RYR2: variants seen among roughly 807,000 people sequenced by gnomAD.
The protein encoded by RYR2 is cardiac muscle ryanodine receptor-calcium release channel.
Under a neutral mutation model 601.1 loss-of-function variants are expected in RYR2, and 227 were observed. That is an observed-to-expected ratio of 0.38 (90% CI 0.34 to 0.42). RYR2 has a LOEUF of 0.42. Ranked by LOEUF, RYR2 falls within the 10% of genes least tolerant of loss-of-function variation. RYR2 has a pLI of 1.00. For missense variants in RYR2, 4,646 were observed against 6,156.5 expected (o/e 0.75, Z 8.21); for synonymous variants, 2,223 against 2,175.1 (o/e 1.02, Z -0.61).
intron 2 of RYR2, among the ~76,000 whole-genome samples, chr1:237,285,234 T>C (rs979740817): frequency 6.6e-6 from 1 of 152,198 alleles, no homozygotes; most frequent in Non-Finnish European, 1.5e-5. Flanking sequence ...GTTTTAATCA[T>C]AAAGTGATGC....
At chr1:237,685,939 A>C (rs1444500853) in intron 62 of RYR2, among the ~76,000 whole-genome samples, 1 of 152,146 alleles carries the variant, frequency 6.6e-6, no homozygotes, top group Non-Finnish European at 1.5e-5. Context: ...ACCCTACATA[A>C]TTTTCATCAA....
intron 97 of RYR2, 67 bp from the exon 98 acceptor site, chr1:237,801,789 C>A: frequency 1.0e-6 from 1 of 983,540 alleles, no homozygotes; most frequent in Non-Finnish European, 1.5e-6. Flanking sequence ...GGCCGTCAGG[C>A]TCTCGCAAGC....
intron 4 of RYR2, among the ~76,000 whole-genome samples, chr1:237,360,990 G>T (rs1271517473): frequency 6.6e-6 from 1 of 152,112 alleles, no homozygotes; most frequent in African/African-American, 2.4e-5. Context: ...ACAGGCATGT[G>T]CCACCATGCC....
intron 14 of RYR2, among the ~76,000 whole-genome samples, chr1:237,446,156 C>T (rs1376804507): frequency 2.0e-5 from 3 of 151,978 alleles, no homozygotes; most frequent in East Asian, 1.9e-4. Flanking sequence ...TATATAGCTG[C>T]GGAGTTTTGA....
chr1:237,637,708 G>A (rs564767543), intron 44 of RYR2, among the ~76,000 whole-genome samples: 247 of 152,260 alleles, frequency 1.6e-3, no homozygotes, highest in Non-Finnish European at 2.2e-3. Flanking sequence ...AATATCTTGA[G>A]TGGATTCAGT....
chr1:237,107,759 G>A (rs1453148718), intron 1 of RYR2, among the ~76,000 whole-genome samples: 2 of 152,076 alleles, frequency 1.3e-5, no homozygotes, highest in East Asian at 1.9e-4. Context: ...GATGCTTTGG[G>A]GCATTCCCTT....
chr1:237,777,813 ACACTAATG>A (rs1200929791), intron 87 of RYR2, among the ~76,000 whole-genome samples: 1 of 152,224 alleles, frequency 6.6e-6, no homozygotes, highest in Non-Finnish European at 1.5e-5. Context: ...CAATACCAGA[ACACTAATG>A]GTTCAGCACT....
chr1:237,250,490 G>A (rs1018551692), intron 1 of RYR2, among the ~76,000 whole-genome samples: 3 of 152,056 alleles, frequency 2.0e-5, no homozygotes, highest in Non-Finnish European at 4.4e-5. Context: ...AAGGGATATC[G>A]TCCAATGTTT....
At chr1:237,794,054 T>C (rs1658790216) in intron 95 of RYR2, 57 bp downstream of exon 95, 2 of 1,499,720 alleles carry the variant, frequency 1.3e-6, no homozygotes, top group African/African-American at 2.8e-5. Flanking sequence ...CATGAAAATA[T>C]TTGGTTGGAG....
At chr1:237,068,997 A>G (rs561257260) in intron 1 of RYR2, among the ~76,000 whole-genome samples, 52 of 152,306 alleles carry the variant, frequency 3.4e-4, no homozygotes, top group Admixed American at 5.9e-4. Context: ...TCCCTTTTTC[A>G]GAAAAGAAGT....
At chr1:237,135,844 G>A (rs1186231990) in intron 1 of RYR2, among the ~76,000 whole-genome samples, 1 of 152,182 alleles carries the variant, frequency 6.6e-6, no homozygotes, top group Non-Finnish European at 1.5e-5. Flanking sequence ...AGCCTTTTGA[G>A]TGGACGATGT....
chr1:237,050,463 T>C (rs1464635225), intron 1 of RYR2, among the ~76,000 whole-genome samples: 1 of 152,208 alleles, frequency 6.6e-6, no homozygotes, highest in Non-Finnish European at 1.5e-5. Flanking sequence ...CCCACACATC[T>C]CATCACCATG....
intron 3 of RYR2, among the ~76,000 whole-genome samples, chr1:237,339,805 C>G (rs932932212): frequency 9.9e-5 from 15 of 152,122 alleles, no homozygotes; most frequent in Non-Finnish European, 1.9e-4. Context: ...AAGGCAACAT[C>G]ATCTATAGGC....
chr1:237,212,304 C>T (rs917203949), intron 1 of RYR2, among the ~76,000 whole-genome samples: 2 of 152,134 alleles, frequency 1.3e-5, no homozygotes, highest in African/African-American at 4.8e-5. Flanking sequence ...AATCCAGTTG[C>T]CCACCAACAT....
chr1:237,500,664 T>G, intron 20 of RYR2, 47 bp from the exon 21 acceptor site: 31 of 1,494,120 alleles, frequency 2.1e-5, no homozygotes, highest in Non-Finnish European at 2.5e-5. Flanking sequence ...GCTGATTCTC[T>G]GAGATAAAAA....
At chr1:237,096,743 A>G (rs1269924079) in intron 1 of RYR2, among the ~76,000 whole-genome samples, 7 of 152,250 alleles carry the variant, frequency 4.6e-5, no homozygotes. Flanking sequence ...ACAAGAGATG[A>G]AAGTTCCAGA....
At chr1:237,269,105 C>T (rs1419218804) in intron 1 of RYR2, among the ~76,000 whole-genome samples, 36 of 134,460 alleles carry the variant, frequency 2.7e-4, no homozygotes, top group Non-Finnish European at 1.1e-4. Context: ...CGCAATGGCA[C>T]GATCTCAGCT....
chr1:237,251,999 G>A (rs1025044089), intron 1 of RYR2, among the ~76,000 whole-genome samples: 2 of 151,710 alleles, frequency 1.3e-5, no homozygotes, highest in African/African-American at 4.8e-5. Context: ...ACCTTTTCCC[G>A]GCACTTCCAC....
intron 27 of RYR2, among the ~76,000 whole-genome samples, chr1:237,559,188 TA>T: frequency 6.6e-6 from 1 of 152,230 alleles, no homozygotes; most frequent in South Asian, 2.1e-4. Flanking sequence ...TTCTGGAAAT[TA>T]ACTAAAGGCT....
Sources: gnomAD v4.1 joint callset for allele counts (sites outside exome capture counted in the v4.1 genomes callset) on GRCh38, gnomAD v4.1.1 for gene constraint, MANE v1.5 for transcripts, NCBI Gene and HGNC (gene_info 2026-07-23, HGNC 2026-07-21) for gene names.